Variants in PDE4D observed in about 807,000 individuals in gnomAD.
PDE4D encodes the protein 3',5'-cyclic-AMP phosphodiesterase 4D.
A neutral mutation model predicts 87.4 loss-of-function variants in PDE4D; 24 were observed. That is an observed-to-expected ratio of 0.27 (90% confidence interval 0.20 to 0.39). PDE4D has a LOEUF of 0.39. PDE4D is among the 10% of genes least tolerant of loss of function. PDE4D has a pLI of 1.00. For synonymous variants in PDE4D, 384 were observed against 383.2 expected (o/e 1.00, Z -0.02); for missense variants, 714 against 1,041.0 (o/e 0.69, Z 4.32).
At chr5:59,627,734 A>C (rs1338668692) in intron 1 of PDE4D, among the ~76,000 whole-genome samples, 1 of 152,214 alleles carries the variant, frequency 6.6e-6, no homozygotes, top group Non-Finnish European at 1.5e-5. Flanking sequence ...AATGGTTTTT[A>C]CTGCCAACAA....
intron 1 of PDE4D, among the ~76,000 whole-genome samples, chr5:59,638,465 T>G (rs1458258930): frequency 6.6e-6 from 1 of 151,842 alleles, no homozygotes; most frequent in Non-Finnish European, 1.5e-5. Context: ...AATACCACCA[T>G]TAAAAAAAGG....
intron 1 of PDE4D, among the ~76,000 whole-genome samples, chr5:59,448,772 A>G (rs1392863581): frequency 6.6e-6 from 1 of 152,130 alleles, no homozygotes; most frequent in Non-Finnish European, 1.5e-5. Context: ...AGCTGATACT[A>G]CAGGTGTATG....
chr5:60,174,472 G>A (rs567371336), intron 2 of PDE4D, among the ~76,000 whole-genome samples: 28 of 152,100 alleles, frequency 1.8e-4, no homozygotes, highest in Admixed American at 1.4e-3. Flanking sequence ...AGAGGGAGGA[G>A]GCAATTGACT....
intron 6 of PDE4D, among the ~76,000 whole-genome samples, chr5:59,015,328 G>A (rs1422644781): frequency 1.3e-5 from 2 of 151,988 alleles, no homozygotes; most frequent in Non-Finnish European, 2.9e-5. Flanking sequence ...CCATCAGAGT[G>A]AACAGGCAAC....
chr5:59,350,359 G>A (rs1158017182), intron 1 of PDE4D, among the ~76,000 whole-genome samples: 1 of 152,140 alleles, frequency 6.6e-6, no homozygotes, highest in Non-Finnish European at 1.5e-5. Context: ...AGCACACAGA[G>A]CCAGGGTTCT....
At chr5:59,432,625 G>A (rs1368485320) in intron 1 of PDE4D, among the ~76,000 whole-genome samples, 1 of 152,044 alleles carries the variant, frequency 6.6e-6, no homozygotes, top group African/African-American at 2.4e-5. Flanking sequence ...TTTATAGTAT[G>A]AAAATAAGGT....
At chr5:60,043,390 G>A (rs1768756451) in intron 2 of PDE4D, among the ~76,000 whole-genome samples, 1 of 152,130 alleles carries the variant, frequency 6.6e-6, no homozygotes, top group African/African-American at 2.4e-5. Flanking sequence ...TTATCCAGTA[G>A]AATATCCCCA....
chr5:60,362,299 A>C (rs1392411571), intron 1 of PDE4D, among the ~76,000 whole-genome samples: 1 of 152,158 alleles, frequency 6.6e-6, no homozygotes, highest in Non-Finnish European at 1.5e-5. Context: ...CTTTTGTTTC[A>C]TGTCTTAAAA....
At chr5:59,573,086 T>C (rs200003003) in intron 1 of PDE4D, among the ~76,000 whole-genome samples, 1 of 152,182 alleles carries the variant, frequency 6.6e-6, no homozygotes, top group East Asian at 1.9e-4. Flanking sequence ...CCCTGGATCC[T>C]AGGAAGCTTA....
intron 1 of PDE4D, among the ~76,000 whole-genome samples, chr5:59,657,883 A>C (rs1432959527): frequency 6.6e-6 from 1 of 152,210 alleles, no homozygotes; most frequent in Non-Finnish European, 1.5e-5. Flanking sequence ...AACATTTAGC[A>C]ATCCAAATTT....
rs1742248304 is a variant in PDE4D at position 58,969,563 on chromosome 5, C to T, written c.*5101G>A. On this transcript the variant is annotated 3_prime_UTR_variant, in exon 15 of 15. Coordinates refer to ENST00000340635, the MANE Select transcript of PDE4D (RefSeq NM_001104631.2). ...AGGCCTCAAGGAAGCCTTCTGTGGCCCTCCGGAACAGATCAAGTTCAGGTT... is the reference window on the plus strand; with the variant it reads ...AGGCCTCAAGGAAGCCTTCTGTGGCTCTCCGGAACAGATCAAGTTCAGGTT... 1 of 152,138 alleles carries T rather than the reference C, an allele frequency of 6.6e-6. No homozygotes were observed. Among genetic ancestry groups the T allele is most frequent in the African/African-American group, 2.4e-5 (1 of 41,424 alleles). 9.4% of individuals were successfully genotyped at this position (152,138 alleles called of 1,614,324 possible). A position where few individuals can be genotyped will look rare whatever the true frequency, so the allele number is the denominator to read the frequency against.
chr5:59,475,768 C>T (rs1803207744), intron 1 of PDE4D, among the ~76,000 whole-genome samples: 1 of 152,034 alleles, frequency 6.6e-6, no homozygotes, highest in South Asian at 2.1e-4. Context: ...AGGGCTCAGG[C>T]TTGTTGACTG....
At chr5:59,216,111 T>C (rs1283192270) in intron 1 of PDE4D, 143 bp from the exon 2 acceptor site, 2 of 625,396 alleles carry the variant, frequency 3.2e-6, no homozygotes, top group Non-Finnish European at 5.5e-6. Flanking sequence ...AAAAATATGA[T>C]AATATTGAAA....
intron 1 of PDE4D, among the ~76,000 whole-genome samples, chr5:59,565,571 G>A (rs1820738060): frequency 1.3e-5 from 2 of 152,196 alleles, no homozygotes; most frequent in South Asian, 2.1e-4. Flanking sequence ...ACTGCATGGA[G>A]CCCAGAGGAG....
At chr5:60,298,931 C>A (rs776948430) in intron 1 of PDE4D, among the ~76,000 whole-genome samples, 1 of 152,094 alleles carries the variant, frequency 6.6e-6, no homozygotes, top group Non-Finnish European at 1.5e-5. Flanking sequence ...ACAGTCACCA[C>A]GGAACTTTGA....
At chr5:59,861,327 C>T (rs1042526236) in intron 1 of PDE4D, among the ~76,000 whole-genome samples, 1 of 151,974 alleles carries the variant, frequency 6.6e-6, no homozygotes, top group African/African-American at 2.4e-5. Context: ...AATGAGTCAC[C>T]TAATTTATTT....
intron 1 of PDE4D, among the ~76,000 whole-genome samples, chr5:59,562,364 A>G (rs1373369989): frequency 6.6e-6 from 1 of 152,224 alleles, no homozygotes; most frequent in Non-Finnish European, 1.5e-5. Context: ...AGCTCTTTAT[A>G]AAAGATAACC....
chr5:60,361,615 G>T (rs1055456266), intron 1 of PDE4D, among the ~76,000 whole-genome samples: 2 of 152,168 alleles, frequency 1.3e-5, no homozygotes, highest in Non-Finnish European at 2.9e-5. Context: ...TCTGTTCAAT[G>T]AGTTTTGAGT....
intron 2 of PDE4D, among the ~76,000 whole-genome samples, chr5:60,052,401 C>T (rs540965189): frequency 2.6e-5 from 4 of 152,160 alleles, no homozygotes; most frequent in South Asian, 4.1e-4. Context: ...AATCATTAAA[C>T]ATAACCCATC....
Sources: gnomAD v4.1 joint callset for allele counts (sites outside exome capture counted in the v4.1 genomes callset) on GRCh38, gnomAD v4.1.1 for gene constraint, MANE v1.5 for transcripts, NCBI Gene and HGNC (gene_info 2026-07-23, HGNC 2026-07-21) for gene names.